Variants in TTC6 observed in about 807,000 individuals in gnomAD.
The protein encoded by TTC6 is tetratricopeptide repeat domain 6.
In TTC6, 172 loss-of-function variants were observed where a neutral mutation model predicts 210.4. The ratio of observed to expected loss-of-function variants is 0.82; its 90% confidence interval spans 0.72 to 0.93. The LOEUF (loss-of-function observed/expected upper bound fraction) is 0.93. TTC6 is among the 40% of genes least tolerant of loss of function. The pLI, the probability that TTC6 is intolerant of heterozygous loss-of-function variation, is 0.00. For missense variants in TTC6, 2,414 were observed against 2,318.1 expected (o/e 1.04, Z -0.85); for synonymous variants, 804 against 819.6 (o/e 0.98, Z 0.32).
chr14:37,737,503 T>C (rs1442152854), intron 8 of TTC6, among the ~76,000 whole-genome samples, 157 bp from the exon 11 acceptor site: 2 of 152,214 alleles, frequency 1.3e-5, no homozygotes, highest in African/African-American at 4.8e-5. Flanking sequence ...TCTTCCTCTA[T>C]ATAAAGTCAG....
intron 14 of TTC6, among the ~76,000 whole-genome samples, chr14:37,773,276 T>G (rs1284993336): frequency 6.6e-6 from 1 of 152,230 alleles, no homozygotes. Flanking sequence ...TTTAATTAGG[T>G]CCCATTTGTC....
At chr14:37,805,271 A>C in intron 21 of TTC6, among the ~76,000 whole-genome samples, 1 of 152,222 alleles carries the variant, frequency 6.6e-6, no homozygotes. Flanking sequence ...ACTGAAAAAC[A>C]GTTGATTCAA....
chr14:37,765,814 A>G (rs1595222049), intron 14 of TTC6, among the ~76,000 whole-genome samples: 1 of 152,072 alleles, frequency 6.6e-6, no homozygotes, highest in Non-Finnish European at 1.5e-5. Context: ...TTTGCCAGGT[A>G]TAGAATTCTT....
intron 4 of TTC6, among the ~76,000 whole-genome samples, chr14:37,699,465 G>A (rs532051876): frequency 2.8e-4 from 43 of 152,346 alleles, no homozygotes; most frequent in Middle Eastern, 3.4e-3. Context: ...CACTATGCTA[G>A]AAGTAAGTCC....
intron 14 of TTC6, among the ~76,000 whole-genome samples, chr14:37,754,319 T>C (rs749069847): frequency 1.5e-4 from 23 of 152,180 alleles, no homozygotes; most frequent in Admixed American, 6.6e-4. Flanking sequence ...TTCCCACTTA[T>C]AAGTGAGAAC....
chr14:37,623,025 T>C (rs1168223434), intron 1 of TTC6, 22 bp downstream of exon 3: 2 of 1,434,732 alleles, frequency 1.4e-6, no homozygotes, highest in Non-Finnish European at 1.8e-6. Context: ...AAAACAAGAG[T>C]AACATTTTTC....
At chr14:37,814,635 A>G (rs1035814494) in intron 25 of TTC6, among the ~76,000 whole-genome samples, 2 of 152,206 alleles carry the variant, frequency 1.3e-5, no homozygotes, top group African/African-American at 4.8e-5. Flanking sequence ...ATATTTTGGC[A>G]ACCAAAAACA....
intron 1 of TTC6, among the ~76,000 whole-genome samples, chr14:37,644,269 A>T (rs887817813): frequency 3.3e-5 from 5 of 152,256 alleles, no homozygotes; most frequent in Middle Eastern, 3.4e-3. Flanking sequence ...AGGTCTTATA[A>T]AAAGGTAATG....
At chr14:37,663,987 T>C (rs1267366582) in intron 1 of TTC6, among the ~76,000 whole-genome samples, 1 of 138,984 alleles carries the variant, frequency 7.2e-6, no homozygotes, top group Non-Finnish European at 1.7e-5. Context: ...AAACCACTGC[T>C]CAAAGAAATC....
intron 21 of TTC6, among the ~76,000 whole-genome samples, chr14:37,805,450 CACAA>C (rs1299694775): frequency 9.3e-5 from 14 of 150,796 alleles, no homozygotes; most frequent in Middle Eastern, 7.0e-3. Context: ...CACACACACA[CACAA>C]ACACACACAC....
intron 2 of TTC6, among the ~76,000 whole-genome samples, chr14:37,609,758 A>T (rs1034791204): frequency 3.3e-5 from 5 of 152,146 alleles, no homozygotes; most frequent in African/African-American, 1.2e-4. Context: ...TTTGTGCAGC[A>T]TTCGGGATGG....
chr14:37,753,233 A>T, exon 14 of TTC6: 1 of 1,523,700 alleles, frequency 6.6e-7, no homozygotes, highest in Non-Finnish European at 8.8e-7. Flanking sequence ...ATTCTCAAGC[A>T]AGGTAAGAAT....
At chr14:37,776,430 G>A (rs1456403672) in intron 14 of TTC6, among the ~76,000 whole-genome samples, 1 of 152,104 alleles carries the variant, frequency 6.6e-6, no homozygotes, top group Non-Finnish European at 1.5e-5. Context: ...GTACTTAAGT[G>A]TGTTTTTGTA....
At chr14:37,708,509 G>A (rs1354097260) in intron 5 of TTC6, among the ~76,000 whole-genome samples, 1 of 152,010 alleles carries the variant, frequency 6.6e-6, no homozygotes, top group Non-Finnish European at 1.5e-5. Flanking sequence ...TCAAGCCCAG[G>A]TCTTTATAAT....
intron 1 of TTC6, among the ~76,000 whole-genome samples, chr14:37,655,701 CTG>C (rs1263755360): frequency 1.3e-5 from 2 of 152,194 alleles, no homozygotes; most frequent in African/African-American, 4.8e-5. Flanking sequence ...TGAAATAAGA[CTG>C]TGAATTCCCA....
At chr14:37,749,173 T>A in exon 11 of TTC6, 1 of 1,534,970 alleles carries the variant, frequency 6.5e-7, no homozygotes, top group Non-Finnish European at 8.7e-7. Context: ...AAATATCAGT[T>A]CCTGAAGACC....
chr14:37,745,445 G>A (rs987872241), intron 10 of TTC6, among the ~76,000 whole-genome samples: 7 of 152,096 alleles, frequency 4.6e-5, no homozygotes, highest in African/African-American at 1.7e-4. Flanking sequence ...TGCTATCTTG[G>A]TGGATAGTGA....
Position 37,823,959 on chromosome 14 carries a change from T to C in TTC6, c.4974+2T>C. The stretch of plus-strand genomic sequence containing the variant: ...ATTAGTTTTGGCTATAATTTGCAGG[T>C]AATATAGCAACATTTTGAGCATTAA... On this transcript the variant is annotated splice_donor_variant, in intron 27 of 30. Coordinates refer to ENST00000553443, the Ensembl canonical transcript of TTC6. LOFTEE classifies it high-confidence loss of function. 1 of 1,612,624 alleles carries C rather than the reference T, an allele frequency of 6.2e-7. No individual in the cohort carries two copies. Among genetic ancestry groups the C allele is most frequent in the Non-Finnish European group, 8.5e-7 (1 of 1,178,982 alleles).
chr14:37,628,265 G>T (rs889852982), intron 1 of TTC6, among the ~76,000 whole-genome samples: 9 of 152,184 alleles, frequency 5.9e-5, no homozygotes, highest in Admixed American at 1.3e-4. Context: ...GAGCCACTGT[G>T]CCTGGCCTGT....
Sources: allele counts gnomAD v4.1 joint callset (sites outside exome capture counted in the v4.1 genomes callset), GRCh38; gene constraint gnomAD v4.1.1; transcripts MANE v1.5; gene names NCBI Gene and HGNC (gene_info 2026-07-23, HGNC 2026-07-21).